Variants in NALCN observed in about 807,000 individuals in gnomAD.
NALCN encodes sodium leak channel, non-selective, also known as sodium leak channel NALCN.
A neutral mutation model predicts 225.3 loss-of-function variants in NALCN; 111 were observed. That is an observed-to-expected ratio of 0.49 (90% CI 0.42 to 0.58). The LOEUF (loss-of-function observed/expected upper bound fraction) is 0.58. Ranked by LOEUF, NALCN falls within the 20% of genes least tolerant of loss-of-function variation. The probability of loss-of-function intolerance (pLI) is 0.00; values close to 1 mark genes in which losing one functional copy is unlikely to be tolerated. For missense variants in NALCN, 1,378 were observed against 2,202.4 expected, an observed-to-expected ratio of 0.63 and a Z score of 7.49; for synonymous variants, 764 against 769.0, an observed-to-expected ratio of 0.99 and a Z score of 0.11.
At chr13:101,117,625 CTT>C (rs1280029552) in intron 18 of NALCN, among the ~76,000 whole-genome samples, 1 of 152,220 alleles carries the variant, frequency 6.6e-6, no homozygotes, top group Non-Finnish European at 1.5e-5. Context: ...AGTATGTAGA[CTT>C]TTCAGACTGA....
chr13:101,072,821 A>C (rs2032988199), intron 37 of NALCN, among the ~76,000 whole-genome samples: 1 of 152,166 alleles, frequency 6.6e-6, no homozygotes, highest in African/African-American at 2.4e-5. Context: ...ATTAAAACTA[A>C]AATTCAGTTC....
intron 11 of NALCN, among the ~76,000 whole-genome samples, chr13:101,254,244 G>A (rs978911725): frequency 2.0e-5 from 3 of 151,792 alleles, no homozygotes; most frequent in African/African-American, 7.3e-5. Context: ...TTAGCTGGGT[G>A]TGCCTGTTAT....
intron 11 of NALCN, among the ~76,000 whole-genome samples, chr13:101,247,431 C>A (rs2041930119): frequency 2.0e-5 from 3 of 151,892 alleles, no homozygotes; most frequent in Admixed American, 1.3e-4. Flanking sequence ...ACTGCAATAT[C>A]CCTAAGAAAG....
chr13:101,212,149 G>T (rs1450663942), intron 13 of NALCN, among the ~76,000 whole-genome samples: 1 of 151,950 alleles, frequency 6.6e-6, no homozygotes, highest in Non-Finnish European at 1.5e-5. Flanking sequence ...TTACTCATTT[G>T]GTTTTTCTTA....
chr13:101,384,148 A>G (rs2139445172), intron 3 of NALCN, among the ~76,000 whole-genome samples: 1 of 152,258 alleles, frequency 6.6e-6, no homozygotes, highest in Admixed American at 6.5e-5. Flanking sequence ...CTCAAGTTAT[A>G]ATATTTGCAA....
At chr13:101,170,424 T>C (rs894319955) in intron 15 of NALCN, among the ~76,000 whole-genome samples, 3 of 152,168 alleles carry the variant, frequency 2.0e-5, no homozygotes, top group Admixed American at 2.0e-4. Context: ...TTACTCAGGC[T>C]ACCAATTCAA....
intron 18 of NALCN, chr13:101,116,396 A>G (rs2035712040): frequency 2.9e-6 from 1 of 340,818 alleles, no homozygotes; most frequent in Admixed American, 3.4e-5. Context: ...TTTTCTTGAC[A>G]TTTCTCCATC....
intron 1 of NALCN, among the ~76,000 whole-genome samples, chr13:101,405,641 C>T (rs932644752): frequency 2.6e-5 from 4 of 152,220 alleles, no homozygotes; most frequent in African/African-American, 9.6e-5. Context: ...CTCTCACACG[C>T]ACTGGGCACT....
At chr13:101,333,219 A>G (rs1002922831) in intron 7 of NALCN, among the ~76,000 whole-genome samples, 3 of 152,204 alleles carry the variant, frequency 2.0e-5, no homozygotes, top group Non-Finnish European at 4.4e-5. Context: ...GCTGATCAAT[A>G]ATAATCTTTA....
chr13:101,334,651 G>A (rs576588251), intron 7 of NALCN, among the ~76,000 whole-genome samples: 5 of 152,088 alleles, frequency 3.3e-5, no homozygotes, highest in Non-Finnish European at 4.4e-5. Flanking sequence ...AAAGTAAACC[G>A]CCAGCTATCT....
At chr13:101,377,614 A>C (rs2046731373) in intron 4 of NALCN, among the ~76,000 whole-genome samples, 1 of 152,188 alleles carries the variant, frequency 6.6e-6, no homozygotes, top group African/African-American at 2.4e-5. Context: ...AACTTTATAA[A>C]AATATGAAAG....
At chr13:101,122,643 A>T (rs1401493168) in intron 18 of NALCN, among the ~76,000 whole-genome samples, 2 of 152,272 alleles carry the variant, frequency 1.3e-5, no homozygotes, top group Admixed American at 6.5e-5. Context: ...GCTTGAAAAT[A>T]ATTTTAAGAA....
chr13:101,145,917 A>G (rs1388364064), intron 15 of NALCN, among the ~76,000 whole-genome samples: 1 of 152,200 alleles, frequency 6.6e-6, no homozygotes, highest in Non-Finnish European at 1.5e-5. Flanking sequence ...CTTGTTGGGT[A>G]TGGTTTTACT....
intron 21 of NALCN, 44 bp from the exon 22 acceptor site, chr13:101,107,653 T>C: frequency 1.2e-6 from 2 of 1,613,972 alleles, no homozygotes; most frequent in South Asian, 1.1e-5. Context: ...AGGGAAATTT[T>C]GCCATTCCCG....
chr13:101,185,795 T>G (rs1566400628), intron 14 of NALCN, among the ~76,000 whole-genome samples: 1 of 152,206 alleles, frequency 6.6e-6, no homozygotes, highest in Non-Finnish European at 1.5e-5. Flanking sequence ...CACATGCCTG[T>G]CCCTGGGAAG....
intron 17 of NALCN, among the ~76,000 whole-genome samples, chr13:101,128,830 TG>T (rs1035111202): frequency 6.6e-6 from 1 of 151,782 alleles, no homozygotes; most frequent in Non-Finnish European, 1.5e-5. Flanking sequence ...CCCAATATGC[TG>T]GGATTGTAGG....
intron 17 of NALCN, among the ~76,000 whole-genome samples, chr13:101,136,512 T>G (rs916231164): frequency 6.9e-6 from 1 of 145,884 alleles, no homozygotes; most frequent in African/African-American, 2.5e-5. Context: ...TGTCCAAGTG[T>G]TCTCATTGTT....
intron 13 of NALCN, among the ~76,000 whole-genome samples, chr13:101,219,492 C>T (rs1235755952): frequency 6.6e-6 from 1 of 152,184 alleles, no homozygotes; most frequent in Non-Finnish European, 1.5e-5. Context: ...AACATCCTTT[C>T]ACCTGTCTCA....
At chr13:101,282,949 G>A (rs913172379) in intron 10 of NALCN, among the ~76,000 whole-genome samples, 6 of 152,028 alleles carry the variant, frequency 3.9e-5, no homozygotes, top group African/African-American at 1.4e-4. Context: ...TCTGGAGAAA[G>A]ACCCAAAAGA....
Sources: gnomAD v4.1 joint callset for allele counts (sites outside exome capture counted in the v4.1 genomes callset) on GRCh38, gnomAD v4.1.1 for gene constraint, MANE v1.5 for transcripts, NCBI Gene and HGNC (gene_info 2026-07-23, HGNC 2026-07-21) for gene names.